ANGPT1: variants seen among roughly 807,000 people sequenced by gnomAD.
ANGPT1 encodes the protein angiopoietin-1.
A neutral mutation model predicts 62.2 loss-of-function variants in ANGPT1; 17 were observed. That is an observed-to-expected ratio of 0.27 (90% CI 0.19 to 0.41). The LOEUF (loss-of-function observed/expected upper bound fraction) is 0.41, where lower values mean the gene tolerates loss of function less well. ANGPT1 is among the 10% of genes least tolerant of loss of function. The probability of loss-of-function intolerance (pLI) is 1.00; values close to 1 mark genes in which losing one functional copy is unlikely to be tolerated. For missense variants in ANGPT1, 478 were observed against 594.9 expected, an observed-to-expected ratio of 0.80 and a Z score of 2.04; for synonymous variants, 199 against 198.9, an observed-to-expected ratio of 1.00 and a Z score of 0.00.
chr8:107,363,297 A>G (rs1315709428), intron 1 of ANGPT1, among the ~76,000 whole-genome samples: 2 of 152,206 alleles, frequency 1.3e-5, no homozygotes, highest in Admixed American at 6.5e-5. Context: ...AGATACTTAT[A>G]CTTCGATGTG....
chr8:107,370,931 A>T (rs1486277408), intron 1 of ANGPT1, among the ~76,000 whole-genome samples: 1 of 151,338 alleles, frequency 6.6e-6, no homozygotes, highest in Non-Finnish European at 1.5e-5. Context: ...GTGTCAATAG[A>T]CTTGCTCGAC....
intron 1 of ANGPT1, among the ~76,000 whole-genome samples, chr8:107,484,983 G>T (rs1812778689): frequency 6.6e-6 from 1 of 152,098 alleles, no homozygotes; most frequent in Non-Finnish European, 1.5e-5. Context: ...TGACAAACAT[G>T]GAGACAATGA....
chr8:107,486,832 T>C (rs1372439309), intron 1 of ANGPT1, among the ~76,000 whole-genome samples: 2 of 152,202 alleles, frequency 1.3e-5, no homozygotes, highest in Non-Finnish European at 2.9e-5. Flanking sequence ...ACAAACAATG[T>C]CCTTGCTTTT....
intron 1 of ANGPT1, among the ~76,000 whole-genome samples, chr8:107,442,567 T>C (rs1285529227): frequency 1.3e-5 from 2 of 152,248 alleles, no homozygotes; most frequent in Non-Finnish European, 2.9e-5. Context: ...GTTGCTTCTC[T>C]TCTAAAAAGA....
intron 1 of ANGPT1, among the ~76,000 whole-genome samples, chr8:107,414,289 A>G (rs1018904487): frequency 1.4e-4 from 22 of 152,278 alleles, no homozygotes; most frequent in African/African-American, 5.1e-4. Context: ...GCTACAATGC[A>G]TTATTATGTA....
chr8:107,489,149 T>C (rs761771554), intron 1 of ANGPT1, among the ~76,000 whole-genome samples: 1 of 152,190 alleles, frequency 6.6e-6, no homozygotes, highest in African/African-American at 2.4e-5. Context: ...AGCCATTTCG[T>C]TGAAATTTAT....
chr8:107,259,775 T>C (rs1586165844), intron 8 of ANGPT1, among the ~76,000 whole-genome samples: 1 of 152,102 alleles, frequency 6.6e-6, no homozygotes. Flanking sequence ...AAGCAAACTT[T>C]CAGAAATGCA....
At chr8:107,285,475 C>T (rs1352536748) in intron 6 of ANGPT1, among the ~76,000 whole-genome samples, 1 of 151,968 alleles carries the variant, frequency 6.6e-6, no homozygotes, top group Non-Finnish European at 1.5e-5. Context: ...CCTGTAAATC[C>T]ATGACTGTAA....
At chr8:107,284,908 C>A in intron 6 of ANGPT1, 60 bp from the exon 7 acceptor site, 2 of 1,249,952 alleles carry the variant, frequency 1.6e-6, no homozygotes, top group Non-Finnish European at 2.1e-6. Context: ...TCATGTTCAG[C>A]ATTTAACTAT....
chr8:107,443,592 T>C (rs1002006684), intron 1 of ANGPT1, among the ~76,000 whole-genome samples: 2 of 151,280 alleles, frequency 1.3e-5, no homozygotes, highest in Admixed American at 6.6e-5. Context: ...GCGGATCACC[T>C]GAGGCCAGGA....
chr8:107,333,746 A>G (rs1282568990), intron 3 of ANGPT1, among the ~76,000 whole-genome samples: 1 of 151,922 alleles, frequency 6.6e-6, no homozygotes, highest in African/African-American at 2.4e-5. Context: ...ACTTTTACTG[A>G]TAGAGCAGAG....
intron 1 of ANGPT1, among the ~76,000 whole-genome samples, chr8:107,486,238 C>T (rs907464301): frequency 6.6e-6 from 1 of 152,150 alleles, no homozygotes; most frequent in African/African-American, 2.4e-5. Flanking sequence ...GGAGACATGG[C>T]AAACGTTGCT....
intron 7 of ANGPT1, among the ~76,000 whole-genome samples, chr8:107,273,345 G>A (rs1296722331): frequency 6.6e-6 from 1 of 152,016 alleles, no homozygotes; most frequent in Non-Finnish European, 1.5e-5. Flanking sequence ...ACTTTCCCTT[G>A]TTGTACTTGG....
chr8:107,281,726 C>T (rs892408211), intron 7 of ANGPT1, among the ~76,000 whole-genome samples: 8 of 152,030 alleles, frequency 5.3e-5, no homozygotes, highest in Non-Finnish European at 7.4e-5. Flanking sequence ...TGCAGTGAGC[C>T]GAGATCGCGC....
rs147620709 is a variant in ANGPT1 at position 107,491,151 on chromosome 8, TA to T, written c.297+6110del. 5.2e-4 allele frequency among the ~76,000 whole-genome samples: 78 copies of T among 149,678 alleles called. 1 individual carries two copies. Among genetic ancestry groups the T allele is most frequent in the African/African-American group, 1.4e-3 (57 of 40,650 alleles). ...AAGTCAATCTGCTACCAGAAATGAT[TA>T]AAAAAAAAAGAAGAAGAAATAAAAA... On this transcript the variant is annotated intron_variant, in intron 1 of 8. Transcript: ENST00000517746.
intron 1 of ANGPT1, among the ~76,000 whole-genome samples, chr8:107,490,644 C>T (rs1000984125): frequency 8.5e-5 from 13 of 152,154 alleles, no homozygotes; most frequent in Non-Finnish European, 1.8e-4. Context: ...ATACTAATTC[C>T]TCTTGCAATA....
intron 1 of ANGPT1, among the ~76,000 whole-genome samples, chr8:107,462,364 G>A (rs1427374245): frequency 6.6e-6 from 1 of 150,714 alleles, no homozygotes; most frequent in Non-Finnish European, 1.5e-5. Flanking sequence ...TTGTGAAGGA[G>A]TCAATATGAA....
chr8:107,385,394 T>C (rs1816713781), intron 1 of ANGPT1, among the ~76,000 whole-genome samples: 1 of 152,122 alleles, frequency 6.6e-6, no homozygotes, highest in Non-Finnish European at 1.5e-5. Flanking sequence ...TTGTGGCTAC[T>C]GTGAATAGGA....
At chr8:107,357,905 C>T (rs1417806626) in intron 1 of ANGPT1, among the ~76,000 whole-genome samples, 1 of 152,186 alleles carries the variant, frequency 6.6e-6, no homozygotes, top group Non-Finnish European at 1.5e-5. Context: ...AAATCCTTCA[C>T]TGTTCAACAC....
Sources: allele counts gnomAD v4.1 joint callset (sites outside exome capture counted in the v4.1 genomes callset), GRCh38; gene constraint gnomAD v4.1.1; transcripts MANE v1.5; gene names NCBI Gene and HGNC (gene_info 2026-07-23, HGNC 2026-07-21).